FAM221A: variants seen among roughly 807,000 people sequenced by gnomAD.
FAM221A encodes the protein family with sequence similarity 221 member A, also known as protein FAM221A.
In FAM221A, 43 loss-of-function variants were observed where a neutral mutation model predicts 37.6. The ratio of observed to expected loss-of-function variants is 1.15; its 90% CI spans 0.90 to 1.48. The LOEUF (loss-of-function observed/expected upper bound fraction) is 1.48, where lower values mean the gene tolerates loss of function less well. Ranked by LOEUF, FAM221A falls within the 40% of genes most tolerant of loss-of-function variation. The pLI is 0.00. For synonymous variants in FAM221A, 135 were observed against 132.9 expected (o/e 1.02, Z -0.11); for missense variants, 361 against 361.5 (o/e 1.00, Z 0.01).
chr7:23,696,135 T>C (rs73079078), intron 4 of FAM221A, among the ~76,000 whole-genome samples: 3,772 of 152,382 alleles, frequency 0.025, 113 homozygotes, highest in African/African-American at 0.071. Flanking sequence ...TATAGCCTTT[T>C]GTTCCTAGGC....
chr7:23,685,851 C>T (rs1584255196), intron 2 of FAM221A, among the ~76,000 whole-genome samples: 1 of 152,186 alleles, frequency 6.6e-6, no homozygotes, highest in African/African-American at 2.4e-5. Flanking sequence ...GTTCAGAATA[C>T]CTAAGCTGCT....
chr7:23,682,436 AT>A (rs1255822217), intron 1 of FAM221A, among the ~76,000 whole-genome samples: 1 of 75,618 alleles, frequency 1.3e-5, no homozygotes, highest in East Asian at 3.6e-4. Context: ...TATTATTATT[AT>A]TATTTTTTTT....
rs1391921877 is a variant in FAM221A at position 23,702,093 on chromosome 7, C to G, written c.829-3C>G. 1 of 1,583,308 alleles carries G rather than the reference C, an allele frequency of 6.3e-7. No individual in the cohort carries two copies. Among genetic ancestry groups the G allele is most frequent in the Admixed American group, 1.8e-5 (1 of 55,958 alleles). On this transcript the variant is annotated splice_polypyrimidine_tract_variant and splice_region_variant and intron_variant, in intron 6 of 6. Coordinates refer to ENST00000344962, the MANE Select transcript of FAM221A (RefSeq NM_199136.5). ...TATATCAATAAATATGTTAAATTTA[C>G]AGATGAAAATGGAAAAGGCTGCTAA...
At chr7:23,692,331 T>G (rs1366667150) in intron 4 of FAM221A, 2 of 501,272 alleles carry the variant, frequency 4.0e-6, no homozygotes, top group African/African-American at 4.1e-5. Context: ...CAAGTGTATA[T>G]TTTCTTTTCT....
At chr7:23,691,308 C>A in intron 3 of FAM221A, 82 bp from the exon 4 acceptor site, 2 of 1,346,680 alleles carry the variant, frequency 1.5e-6, no homozygotes, top group Non-Finnish European at 2.1e-6. Context: ...CTAGGTTCAG[C>A]TGGCTTTTGC....
chr7:23,685,659 C>T (rs1040742390), intron 2 of FAM221A, among the ~76,000 whole-genome samples: 5 of 152,196 alleles, frequency 3.3e-5, no homozygotes, highest in East Asian at 1.9e-4. Flanking sequence ...CGATACCTTT[C>T]TTTAAACAAA....
At chr7:23,701,100 G>C (rs1360926782) in intron 6 of FAM221A, among the ~76,000 whole-genome samples, 1 of 152,048 alleles carries the variant, frequency 6.6e-6, no homozygotes, top group Non-Finnish European at 1.5e-5. Context: ...TAAATACGCA[G>C]ATAAAATTGT....
chr7:23,696,147 A>G (rs879297771), intron 4 of FAM221A, among the ~76,000 whole-genome samples: 10 of 152,384 alleles, frequency 6.6e-5, no homozygotes, highest in Admixed American at 2.6e-4. Context: ...TTCCTAGGCA[A>G]CAAACTTGTT....
chr7:23,684,874 C>T (rs1784274135), intron 2 of FAM221A, among the ~76,000 whole-genome samples: 1 of 151,982 alleles, frequency 6.6e-6, no homozygotes, highest in South Asian at 2.1e-4. Flanking sequence ...CTGCTTGAGC[C>T]CAGGAGTTTA....
intron 1 of FAM221A, chr7:23,680,604 T>A (rs1584242054): frequency 3.0e-6 from 1 of 332,632 alleles, no homozygotes; most frequent in Non-Finnish European, 5.5e-6. Flanking sequence ...GCACATCGAG[T>A]ACTCGGGGCT....
Position 23,682,683 on chromosome 7 carries a change from C to T in FAM221A, c.66-1816C>T, listed in dbSNP as rs1201028036. 2.6e-5 allele frequency among the ~76,000 whole-genome samples: 4 copies of T among 152,048 alleles called. No individual in the cohort carries two copies. The East Asian group carries it at 7.7e-4, about 29-fold the overall frequency. Reference sequence around the variant, plus strand: ...CAAGTGATCCTCCTGCTTCCGCCTCCCAAAGTCCTGGGATTACAGGCATGA... The same window carrying T: ...CAAGTGATCCTCCTGCTTCCGCCTCTCAAAGTCCTGGGATTACAGGCATGA... On this transcript the variant is annotated intron_variant, in intron 1 of 6. Transcript: ENST00000344962.
At chr7:23,680,603 G>GT (rs1378344133) in intron 1 of FAM221A, 13 of 341,048 alleles carry the variant, frequency 3.8e-5, no homozygotes, top group Non-Finnish European at 5.9e-5. Flanking sequence ...GGCACATCGA[G>GT]TACTCGGGGC....
rs1290899761 is a variant in FAM221A at position 23,702,354 on chromosome 7, CTACTTTGTATG to C, written c.*194_*204del. ...TACTTTTGTCAAAACTCATAATTTA[CTACTTTGTATG>C]TACCTTTCTTTCTCCTGACAAATGA... On this transcript the variant is annotated 3_prime_UTR_variant, in exon 7 of 7. Transcript: ENST00000344962. 2.3e-5 allele frequency: 9 copies of C among 387,196 alleles called. No homozygotes were observed. The highest frequency in any genetic ancestry group is 1.4e-5 in the Non-Finnish European group (3 of 213,116). 24.0% of individuals were successfully genotyped at this position (387,196 alleles called of 1,614,324 possible). A position where few individuals can be genotyped will look rare whatever the true frequency, so the allele number is the denominator to read the frequency against.
At chr7:23,685,850 A>G (rs1235917631) in intron 2 of FAM221A, among the ~76,000 whole-genome samples, 1 of 152,190 alleles carries the variant, frequency 6.6e-6, no homozygotes, top group African/African-American at 2.4e-5. Flanking sequence ...AGTTCAGAAT[A>G]CCTAAGCTGC....
Position 23,702,336 on chromosome 7 carries a change from G to C in FAM221A, c.*172G>C, listed in dbSNP as rs1383285877. 4 of 412,038 alleles carry C rather than the reference G, an allele frequency of 9.7e-6. No individual in the cohort carries two copies. The highest frequency in any genetic ancestry group is 1.3e-5 in the Non-Finnish European group (3 of 230,618). The allele number at this position is 412,038 out of a possible 1,614,324, so 25.5% of individuals were successfully genotyped here. On this transcript the variant is annotated 3_prime_UTR_variant, in exon 7 of 7. Transcript: ENST00000344962. ...ATAACTAAAAATGCCTATTACTTTT[G>C]TCAAAACTCATAATTTACTACTTTG...
At chr7:23,699,762 G>A (rs1052703263) in intron 5 of FAM221A, among the ~76,000 whole-genome samples, 21 of 151,850 alleles carry the variant, frequency 1.4e-4, no homozygotes, top group South Asian at 2.1e-4. Context: ...GGCTGGTCTC[G>A]AACTCTTGAG....
downstream of FAM221A, chr7:23,703,098 C>T (rs1785548337): frequency 1.3e-5 from 2 of 152,322 alleles, no homozygotes; most frequent in South Asian, 4.1e-4. Flanking sequence ...TAAACTTCCT[C>T]AGAAAGTCCT....
At chr7:23,682,389 G>A (rs1434382432) in intron 1 of FAM221A, among the ~76,000 whole-genome samples, 18 of 142,958 alleles carry the variant, frequency 1.3e-4, no homozygotes, top group Admixed American at 1.1e-3. Flanking sequence ...GTGTGTGTGT[G>A]TGTGTGTGTA....
chr7:23,684,131 A>C (rs1295644454), intron 1 of FAM221A, among the ~76,000 whole-genome samples: 1 of 152,050 alleles, frequency 6.6e-6, no homozygotes, highest in Non-Finnish European at 1.5e-5. Flanking sequence ...TTGTTTGTGG[A>C]GGTCTGGGGA....
Sources: allele counts gnomAD v4.1 joint callset (sites outside exome capture counted in the v4.1 genomes callset), GRCh38; gene constraint gnomAD v4.1.1; transcripts MANE v1.5; gene names NCBI Gene and HGNC (gene_info 2026-07-23, HGNC 2026-07-21).